Variants in MROH2A observed in about 807,000 individuals in gnomAD.
The protein encoded by MROH2A is maestro heat like repeat family member 2A, also known as maestro heat-like repeat-containing protein family member 2A.
A neutral mutation model predicts 200.4 loss-of-function variants in MROH2A; 174 were observed. The observed-to-expected ratio is 0.87, with a 90% CI of 0.77 to 0.98. The LOEUF (loss-of-function observed/expected upper bound fraction) is 0.98. Among genes scored for constraint, MROH2A ranks in the 50% least tolerant of loss-of-function variants. The probability of loss-of-function intolerance (pLI) is 0.00; values close to 1 mark genes in which losing one functional copy is unlikely to be tolerated. For synonymous variants in MROH2A, 829 were observed against 840.4 expected, an observed-to-expected ratio of 0.99 and a Z score of 0.23; for missense variants, 2,045 against 2,139.6, an observed-to-expected ratio of 0.96 and a Z score of 0.87.
chr2:233,806,232 T>A (rs561935955), intron 19 of MROH2A, among the ~76,000 whole-genome samples: 85 of 152,280 alleles, frequency 5.6e-4, no homozygotes, highest in South Asian at 5.2e-3. Context: ...ATTTTTATAA[T>A]GTTAACATGG....
In MROH2A at chr2:233,799,775, C is replaced by G. The variant is rs1170770411; in HGVS notation, c.1330-5C>G. The G allele has an allele frequency of 6.5e-7, 1 of 1,550,308 alleles. No homozygotes were observed. Among genetic ancestry groups the G allele is most frequent in the Non-Finnish European group, 8.7e-7 (1 of 1,146,974 alleles). Reference sequence around the variant, plus strand: ...CCCAGCATGTCCACGGTCCTGTCCCCTCAGGTGAGGATGGCTATTCTCCAC... The same window carrying G: ...CCCAGCATGTCCACGGTCCTGTCCCGTCAGGTGAGGATGGCTATTCTCCAC... On this transcript the variant is annotated splice_region_variant and splice_polypyrimidine_tract_variant and intron_variant, in intron 12 of 41. Transcript: ENST00000389758.
At chr2:233,826,169 C>T (rs569479662) in intron 35 of MROH2A, among the ~76,000 whole-genome samples, 13 of 152,184 alleles carry the variant, frequency 8.5e-5, no homozygotes, top group South Asian at 6.2e-4. Context: ...GTGATTTGCC[C>T]GCCTCGGCCT....
chr2:233,828,934 C>A lies in MROH2A; in HGVS notation c.4308C>A (p.Pro1436=). ...RKVLLEKCLG[P]LREPVSNSVT... Reference sequence around the variant, plus strand: ...TCTTGCTGGAGAAGTGCCTGGGCCCCCTGAGGGAGCCCGTGAGCAACAGCG... The same window carrying A: ...TCTTGCTGGAGAAGTGCCTGGGCCCACTGAGGGAGCCCGTGAGCAACAGCG... The change falls in exon 37 of 42, where the codon CCC becomes CCA. Residue 1436 remains proline, a synonymous_variant. Coordinates refer to ENST00000389758, the MANE Select transcript of MROH2A (RefSeq NM_001394639.1). This position sits in a 1 kb window ranked among gnomAD's most constrained non-coding sequence, Gnocchi z 4.6. The A allele has an allele frequency of 1.9e-6, 3 of 1,550,516 alleles. No individual in the cohort carries two copies. Among genetic ancestry groups the A allele is most frequent in the South Asian group, 1.2e-5 (1 of 84,060 alleles).
At position 233,820,712 on chromosome 2, in the gene MROH2A, A is replaced by G. The variant is rs1206571586; in HGVS notation, c.3512+656A>G. Among the ~76,000 whole-genome samples the G allele has an allele frequency of 6.6e-6, 1 of 152,150 alleles. No homozygotes were observed. The highest frequency in any genetic ancestry group is 1.5e-5 in the Non-Finnish European group (1 of 68,018). On this transcript the variant is annotated intron_variant, in intron 31 of 41. Coordinates refer to ENST00000389758, the MANE Select transcript of MROH2A (RefSeq NM_001394639.1). The surrounding 1 kb of genome is among the most constrained non-coding windows in gnomAD (Gnocchi z 4.1). ...GAAAGAGCTAGACAGTCATCCCCAG[A>G]GCAGTGGAGCCTGTGCTGGTGCAGG...
In MROH2A at chr2:233,789,691, C is replaced by T. The variant is rs868867448; in HGVS notation, c.408+63C>T. On this transcript the variant is annotated intron_variant, in intron 4 of 41. Transcript: ENST00000389758. ...AGCCCAGGAGCTGGGCCACGGGGGG[C>T]CTGGCCCAGGATGCCCACAGCCCTG... 79 of 1,437,218 alleles carry T rather than the reference C, an allele frequency of 5.5e-5. No individual in the cohort carries two copies. The African/African-American group carries it at 1.0e-3, about 18-fold the overall frequency. The allele number at this position is 1,437,218 out of a possible 1,614,324, so 89.0% of individuals were successfully genotyped here.
rs1702081680 is a variant in MROH2A at position 233,795,990 on chromosome 2, G to A, written c.1083G>A (p.Gln361=). 1 of 1,550,602 alleles carries A rather than the reference G, an allele frequency of 6.4e-7. No homozygotes were observed. The highest frequency in any genetic ancestry group is 1.2e-5 in the South Asian group (1 of 84,064). The change falls in exon 10 of 42, where the codon CAG becomes CAA. Residue 361 remains glutamine, a synonymous_variant. Transcript: ENST00000389758. ...AGGTGTGCAACAAGGCCCCGGCCCA[G>A]CATCAGTACAGCAGCCAGAATCTGA... ...HVQVCNKAPA[Q]HQYSSQNLME... is the part of the protein sequence containing the mutation.
intron 35 of MROH2A, among the ~76,000 whole-genome samples, chr2:233,826,017 C>A (rs191066448): frequency 1.2e-4 from 18 of 150,870 alleles, no homozygotes; most frequent in African/African-American, 4.4e-4. Flanking sequence ...CTCCACCTCC[C>A]GGGTTCAAGC....
In MROH2A at chr2:233,794,448, A is replaced by C; in HGVS notation, c.908A>C (p.Tyr303Ser). The C allele has an allele frequency of 6.4e-7, 1 of 1,550,474 alleles. No individual in the cohort carries two copies. Among genetic ancestry groups the C allele is most frequent in the Admixed American group, 2.0e-5 (1 of 51,010 alleles). The change falls in exon 8 of 42, where the codon TAC (tyrosine) becomes TCC (serine). Residue 303 changes from tyrosine to serine, a missense_variant. By Grantham distance (144) the Tyr-to-Ser change is moderately radical. Coordinates refer to ENST00000389758, the MANE Select transcript of MROH2A (RefSeq NM_001394639.1). ...NDDLREQVYD[Y>S]IPLLLAEYQG... is the part of the protein sequence containing the mutation. ...GACCTGCGGGAGCAGGTCTACGACT[A>C]CATCCCCCTGCTGCTGGCGGAGTAC...
At chr2:233,810,356 G>T (rs1703077622) in intron 22 of MROH2A, among the ~76,000 whole-genome samples, 1 of 152,218 alleles carries the variant, frequency 6.6e-6, no homozygotes, top group Non-Finnish European at 1.5e-5. Context: ...AGAGAAAAAT[G>T]AGGAAGAAGC....
chr2:233,798,149 T>C (rs918768050), intron 11 of MROH2A, among the ~76,000 whole-genome samples: 1 of 152,150 alleles, frequency 6.6e-6, no homozygotes, highest in Admixed American at 6.5e-5. Context: ...CTCCAGAACT[T>C]TCTCATGGCT....
In MROH2A at chr2:233,820,001, C is replaced by T; in HGVS notation, c.3457C>T (p.His1153Tyr). ...LIDGILLLAHHHQETILTSLL... is the reference protein window; with the variant it reads ...LIDGILLLAHYHQETILTSLL... ...TGACGGCATCCTGCTGCTGGCGCAC[C>T]ACCACCAGGAGACCATCCTCACATC... The change falls in exon 31 of 42, where the codon CAC becomes TAC. Residue 1153 changes from histidine to tyrosine, a missense_variant. His to Tyr is a moderately conservative substitution (Grantham distance 83). Around this residue, in one of 3 missense-constraint regions of MROH2A, gnomAD observed 1,201 missense variants for 1,311.3 expected, o/e 0.92. Transcript: ENST00000389758. This position sits in a 1 kb window ranked among gnomAD's most constrained non-coding sequence, Gnocchi z 4.1. 11 of 1,546,228 alleles carry T rather than the reference C, an allele frequency of 7.1e-6. No individual in the cohort carries two copies. Among genetic ancestry groups the T allele is most frequent in the Non-Finnish European group, 9.6e-6 (11 of 1,143,926 alleles).
intron 3 of MROH2A, among the ~76,000 whole-genome samples, chr2:233,787,492 T>C (rs1231779117): frequency 1.6e-5 from 2 of 127,630 alleles, no homozygotes; most frequent in Non-Finnish European, 1.6e-5. Flanking sequence ...ATAATATATA[T>C]ACATATACAT....
chr2:233,818,647 G>A lies in MROH2A; in HGVS notation c.3086-5G>A, dbSNP rs534570183. 7.8e-6 allele frequency: 12 copies of A among 1,533,478 alleles called. No homozygotes were observed. Among genetic ancestry groups the A allele is most frequent in the African/African-American group, 4.2e-5 (3 of 72,202 alleles). The allele number at this position is 1,533,478 out of a possible 1,614,324, so 95.0% of individuals were successfully genotyped here. On this transcript the variant is annotated splice_polypyrimidine_tract_variant and splice_region_variant and intron_variant, in intron 28 of 41. Coordinates refer to ENST00000389758, the MANE Select transcript of MROH2A (RefSeq NM_001394639.1). ...TGGTCATTTCTGAAGTTGTATTCCC[G>A]ACAGCAAGCCAGACCTGCTCCTTGT... is the stretch of plus-strand genomic sequence containing the variant.
chr2:233,779,618 C>CCTCCTGTCATGGTCATTT lies in MROH2A; in HGVS notation c.95-51_95-34dup, dbSNP rs539092957. ...AGGCAAGGCCAGGGACACAAGGGCA[C>CCTCCTGTCATGGTCATTT]CTCCTGTCATGGTCATTTCCACACT... On this transcript the variant is annotated intron_variant, in intron 2 of 41. Transcript: ENST00000389758. 2.0e-4 allele frequency: 309 copies of CCTCCTGTCATGGTCATTT among 1,534,052 alleles called. 1 individual carries two copies. The African/African-American group carries it at 3.7e-3, about 19-fold the overall frequency.
At chr2:233,830,603 G>A (rs1293497589) in intron 38 of MROH2A, among the ~76,000 whole-genome samples, 2 of 64,278 alleles carry the variant, frequency 3.1e-5, no homozygotes, top group South Asian at 1.1e-3. Flanking sequence ...TGGCCTGGGT[G>A]GCCCAGGTGG....
In MROH2A at chr2:233,819,299, C is replaced by T. The variant is rs1032129107; in HGVS notation, c.3205-18C>T. 5 of 1,545,834 alleles carry T rather than the reference C, an allele frequency of 3.2e-6. No homozygotes were observed. The African/African-American group carries it at 6.8e-5, about 21-fold the overall frequency. ...GAGTGGCAGGGGAGGGCAGGGGAGTCACCCGCTCTGCTCCTAGGTGGTCTG... is the reference window on the plus strand; with the variant it reads ...GAGTGGCAGGGGAGGGCAGGGGAGTTACCCGCTCTGCTCCTAGGTGGTCTG... On this transcript the variant is annotated intron_variant, in intron 29 of 41. Coordinates refer to ENST00000389758, the MANE Select transcript of MROH2A (RefSeq NM_001394639.1).
rs191965235 is a variant in MROH2A, at chr2:233,804,169, C to T, written c.1868C>T (p.Ala623Val). The T allele has an allele frequency of 6.8e-5, 106 of 1,550,552 alleles. No homozygotes were observed. Among genetic ancestry groups the T allele is most frequent in the Middle Eastern group, 5.0e-4 (3 of 5,982 alleles). The change falls in exon 17 of 42, where the codon GCG (alanine) becomes GTG (valine). Residue 623 changes from alanine (A) to valine (V), a missense_variant. Physicochemically the swap from Ala to Val is moderately conservative, Grantham distance 64. Around this residue, in one of 3 missense-constraint regions of MROH2A, gnomAD observed 13 missense variants for 28.3 expected, o/e 0.46. Coordinates refer to ENST00000389758, the MANE Select transcript of MROH2A (RefSeq NM_001394639.1). ...GCCGACATGTGGGAGCTGGAGATTG[C>T]GCTACTGGTCCGGTACCTGGAAGGT... ...SMADMWELEI[A>V]LLVRYLEEHT...
At chr2:233,818,617 C>T (rs1703717630) in intron 28 of MROH2A, 35 bp from the exon 29 acceptor site, 1 of 1,392,988 alleles carries the variant, frequency 7.2e-7, no homozygotes, top group African/African-American at 1.5e-5. Flanking sequence ...GCCTTTTGTC[C>T]CTGCTGGTCA....
At chr2:233,803,901 G>A (rs1702631584) in intron 16 of MROH2A, 150 bp from the exon 17 acceptor site, 1 of 1,049,096 alleles carries the variant, frequency 9.5e-7, no homozygotes, top group Non-Finnish European at 1.4e-6. Context: ...TTCCTGTAGT[G>A]TCCTCTGCAG....
Sources: allele counts gnomAD v4.1 joint callset (sites outside exome capture counted in the v4.1 genomes callset), GRCh38; gene constraint gnomAD v4.1.1; regional missense constraint gnomAD v4.1.1; non-coding constraint Gnocchi (gnomAD v3.1); transcripts MANE v1.5; gene names NCBI Gene and HGNC (gene_info 2026-07-23, HGNC 2026-07-21).